CYP2C18: variants seen among roughly 807,000 people sequenced by gnomAD.
CYP2C18 encodes cytochrome P450 2C18.
A neutral mutation model predicts 41.3 loss-of-function variants in CYP2C18; 38 were observed. The ratio of observed to expected loss-of-function variants is 0.92; its 90% CI spans 0.71 to 1.21. CYP2C18 has a LOEUF of 1.21. Among genes scored for constraint, CYP2C18 ranks in the 50% most tolerant of loss-of-function variants. The pLI, the probability that CYP2C18 is intolerant of heterozygous loss-of-function variation, is 0.00. For missense variants in CYP2C18, 635 were observed against 591.4 expected, an observed-to-expected ratio of 1.07 and a Z score of -0.77; for synonymous variants, 236 against 210.0, an observed-to-expected ratio of 1.12 and a Z score of -1.07.
Position 94,688,250 on chromosome 10 carries a change from G to T in CYP2C18, c.457G>T (p.Val153Leu). The T allele has an allele frequency of 6.2e-7, 1 of 1,611,574 alleles. No individual in the cohort carries two copies. The highest frequency in any genetic ancestry group is 8.5e-7 in the Non-Finnish European group (1 of 1,178,800). ...TGTTCAAGAGGAAGCCCGCTGCCTTGTGGAGGAGTTGAGAAAAACCAATGG... is the reference window on the plus strand; with the variant it reads ...TGTTCAAGAGGAAGCCCGCTGCCTTTTGGAGGAGTTGAGAAAAACCAATGG... ...DRVQEEARCL[V>L]EELRKTNASP... is the part of the protein sequence containing the mutation. Residue 153 changes from valine to leucine, a missense_variant, in exon 3 of 9, where the codon GTG (valine) becomes TTG (leucine). Coordinates refer to ENST00000285979, the MANE Select transcript of CYP2C18 (RefSeq NM_000772.3).
chr10:94,691,793 C>G (rs1384383473), intron 3 of CYP2C18, among the ~76,000 whole-genome samples: 1 of 152,140 alleles, frequency 6.6e-6, no homozygotes, highest in Admixed American at 6.5e-5. Context: ...GCTACAGTAA[C>G]CAAAACAGCA....
At chr10:94,684,966 A>G (rs897779758) in intron 1 of CYP2C18, among the ~76,000 whole-genome samples, 8 of 152,076 alleles carry the variant, frequency 5.3e-5, no homozygotes, top group South Asian at 2.1e-4. Context: ...TTTAAAAAAT[A>G]TATCTTGGCC....
At chr10:94,691,323 A>T (rs1446122723) in intron 3 of CYP2C18, among the ~76,000 whole-genome samples, 3 of 152,230 alleles carry the variant, frequency 2.0e-5, no homozygotes, top group Non-Finnish European at 4.4e-5. Context: ...ACTTCAGTAA[A>T]GTCTCAGGAT....
At chr10:94,733,525 G>T in intron 8 of CYP2C18, 87 bp downstream of exon 8, 1 of 1,570,104 alleles carries the variant, frequency 6.4e-7, no homozygotes, top group East Asian at 2.3e-5. Context: ...CACCTCTGAG[G>T]TTTGGCTGAA....
intron 1 of CYP2C18, among the ~76,000 whole-genome samples, chr10:94,684,310 G>A (rs773550286): frequency 8.5e-5 from 13 of 152,148 alleles, no homozygotes; most frequent in Admixed American, 1.3e-4. Flanking sequence ...TCCTATCTAA[G>A]TGTAACTCTG....
intron 8 of CYP2C18, 48 bp from the exon 9 acceptor site, chr10:94,735,215 C>T (rs761947040): frequency 1.3e-6 from 2 of 1,569,062 alleles, no homozygotes; most frequent in Admixed American, 1.7e-5. Flanking sequence ...TGTGACTGTT[C>T]ATGACCTAAT....
At chr10:94,703,546 G>A (rs994572412) in intron 4 of CYP2C18, among the ~76,000 whole-genome samples, 6 of 152,118 alleles carry the variant, frequency 3.9e-5, no homozygotes, top group Admixed American at 3.9e-4. Context: ...GGGGAAAACC[G>A]CCTACTCACA....
chr10:94,715,073 T>G (rs1011811041), intron 5 of CYP2C18, among the ~76,000 whole-genome samples: 1 of 152,212 alleles, frequency 6.6e-6, no homozygotes, highest in Non-Finnish European at 1.5e-5. Flanking sequence ...TTTTTGGAGA[T>G]TTTGGGCTGA....
chr10:94,705,870 G>C (rs569483329), intron 4 of CYP2C18, among the ~76,000 whole-genome samples: 1 of 152,098 alleles, frequency 6.6e-6, no homozygotes, highest in Non-Finnish European at 1.5e-5. Flanking sequence ...TTAGCTGGTG[G>C]TTTTTCCCAC....
intron 4 of CYP2C18, among the ~76,000 whole-genome samples, chr10:94,699,976 G>C (rs567831778): frequency 4.6e-5 from 7 of 152,144 alleles, no homozygotes; most frequent in Non-Finnish European, 7.3e-5. Flanking sequence ...TGAAATAAAA[G>C]AGGACACAAA....
At chr10:94,694,056 T>A (rs1847067036) in intron 3 of CYP2C18, among the ~76,000 whole-genome samples, 1 of 152,182 alleles carries the variant, frequency 6.6e-6, no homozygotes, top group Non-Finnish European at 1.5e-5. Flanking sequence ...AAAAAGTTTA[T>A]AATAACATAA....
chr10:94,704,911 C>A (rs1312908891), intron 4 of CYP2C18, among the ~76,000 whole-genome samples: 1 of 152,136 alleles, frequency 6.6e-6, no homozygotes, highest in Non-Finnish European at 1.5e-5. Flanking sequence ...ATGTCCATTG[C>A]TTTTCCATCC....
intron 5 of CYP2C18, among the ~76,000 whole-genome samples, chr10:94,716,762 T>C (rs1489173948): frequency 6.6e-6 from 1 of 152,202 alleles, no homozygotes; most frequent in African/African-American, 2.4e-5. Flanking sequence ...CCTTGATCTG[T>C]CTAATGTTGA....
At chr10:94,689,466 C>A (rs1846957321) in intron 3 of CYP2C18, among the ~76,000 whole-genome samples, 2 of 152,134 alleles carry the variant, frequency 1.3e-5, no homozygotes, top group African/African-American at 4.8e-5. Flanking sequence ...TTGTCCACAG[C>A]ATGTCTCTGA....
At chr10:94,685,347 T>A (rs1260639671) in intron 1 of CYP2C18, among the ~76,000 whole-genome samples, 1 of 152,166 alleles carries the variant, frequency 6.6e-6, no homozygotes, top group African/African-American at 2.4e-5. Context: ...TTGCTCGTTT[T>A]AAATAGAATT....
At chr10:94,684,064 T>A in intron 1 of CYP2C18, 77 bp downstream of exon 1, 1 of 1,017,852 alleles carries the variant, frequency 9.8e-7, no homozygotes, top group Non-Finnish European at 1.4e-6. Flanking sequence ...TATTTCATTT[T>A]AAAGTGATAA....
chr10:94,733,906 G>A (rs892021968), intron 8 of CYP2C18, among the ~76,000 whole-genome samples: 3 of 152,046 alleles, frequency 2.0e-5, no homozygotes, highest in Non-Finnish European at 2.9e-5. Context: ...AAGTAGACAA[G>A]TAAACAGATC....
At chr10:94,709,008 T>A (rs559435858) in intron 5 of CYP2C18, among the ~76,000 whole-genome samples, 1 of 152,310 alleles carries the variant, frequency 6.6e-6, no homozygotes, top group African/African-American at 2.4e-5. Flanking sequence ...TTTTGGCTGT[T>A]ATGAATAATG....
At chr10:94,696,547 A>C (rs1847120267) in intron 4 of CYP2C18, among the ~76,000 whole-genome samples, 1 of 152,156 alleles carries the variant, frequency 6.6e-6, no homozygotes, top group Non-Finnish European at 1.5e-5. Context: ...GAGCCGAAAA[A>C]CTGGAAACTC....
Sources: gnomAD v4.1 joint callset for allele counts (sites outside exome capture counted in the v4.1 genomes callset) on GRCh38, gnomAD v4.1.1 for gene constraint, MANE v1.5 for transcripts, NCBI Gene and HGNC (gene_info 2026-07-23, HGNC 2026-07-21) for gene names.